Variants in SRCAP observed in about 807,000 individuals in gnomAD.
SRCAP encodes the protein chromatin remodeling protein SRCAP.
SRCAP carries 46 observed loss-of-function variants against 263.1 expected under a neutral mutation model. The ratio of observed to expected loss-of-function variants is 0.17; its 90% CI spans 0.14 to 0.22. The LOEUF (loss-of-function observed/expected upper bound fraction) is 0.22, where lower values mean the gene tolerates loss of function less well. SRCAP is among the 10% of genes least tolerant of loss of function. The pLI, the probability that SRCAP is intolerant of heterozygous loss-of-function variation, is 1.00. For missense variants in SRCAP, 3,695 were observed against 4,181.9 expected (o/e 0.88, Z 3.21); for synonymous variants, 1,813 against 1,662.1 (o/e 1.09, Z -2.21).
Position 30,712,074 on chromosome 16 carries a change from C to G in SRCAP, c.1732C>G (p.Leu578Val), listed in dbSNP as rs903401621. 14 of 1,613,992 alleles carry G rather than the reference C, an allele frequency of 8.7e-6. No individual in the cohort carries two copies. Among genetic ancestry groups the G allele is most frequent in the Non-Finnish European group, 1.2e-5 (14 of 1,180,040 alleles). ...SGPPTPGPTT[L>V]GPKKEITDIA... ...GCCTCCTACTCCAGGGCCCACTACT[C>G]TAGGTCCAAAGAAAGAAATTACTGA... Residue 578 changes from leucine to valine, a missense_variant, in exon 12 of 34, where the codon CTA (leucine) becomes GTA (valine). Around this residue, in one of 12 missense-constraint regions of SRCAP, gnomAD observed 288 missense variants for 302.4 expected, o/e 0.95. Coordinates refer to ENST00000262518, the MANE Select transcript of SRCAP (RefSeq NM_006662.3).
chr16:30,722,589 G>C lies in SRCAP; in HGVS notation c.3733G>C (p.Gly1245Arg), dbSNP rs1377686252. The change falls in exon 23 of 34, where the codon GGG (glycine) becomes CGG (arginine). Residue 1245 changes from glycine (G) to arginine (R), a missense_variant. By Grantham distance (125) the Gly-to-Arg change is moderately radical. Around this residue, in one of 12 missense-constraint regions of SRCAP, gnomAD observed 1,347 missense variants for 1,304.4 expected, o/e 1.03. Coordinates refer to ENST00000262518, the MANE Select transcript of SRCAP (RefSeq NM_006662.3). The part of the protein sequence containing the change: ...QRNVVHLVSA[G>R]GQHHLISQPA... ...GAATGTGGTGCACCTCGTGTCAGCA[G>C]GGGGGCAGCACCATCTCATCAGCCA... 1 of 1,614,050 alleles carries C rather than the reference G, an allele frequency of 6.2e-7. No homozygotes were observed. The highest frequency in any genetic ancestry group is 2.2e-5 in the East Asian group (1 of 44,876).
intron 30 of SRCAP, 24 bp downstream of exon 30, chr16:30,734,032 T>C (rs567240732): frequency 6.4e-7 from 1 of 1,570,222 alleles, no homozygotes; most frequent in South Asian, 1.2e-5. Flanking sequence ...TCTTTTAGCC[T>C]ATGCAGGAGA....
Position 30,710,049 on chromosome 16 carries a change from A to C in SRCAP, c.1055A>C (p.Gln352Pro). ...TTGGAAGGGCCTTCCAGCCCCTCTC[A>C]AACCCCCTCATCTCATGATAGTGAC... ...QLLEGPSSPS[Q>P]TPSSHDSDTR... The change falls in exon 8 of 34, where the codon CAA becomes CCA. Residue 352 changes from glutamine (Q) to proline (P), a missense_variant. Physicochemically the swap from Gln to Pro is moderately conservative, Grantham distance 76. This residue lies in a region of SRCAP where 288 missense variants were observed against 302.4 expected (regional missense o/e 0.95). Coordinates refer to ENST00000262518, the MANE Select transcript of SRCAP (RefSeq NM_006662.3). 1 of 1,614,092 alleles carries C rather than the reference A, an allele frequency of 6.2e-7. No homozygotes were observed. The highest frequency in any genetic ancestry group is 8.5e-7 in the Non-Finnish European group (1 of 1,180,004).
intron 22 of SRCAP, 31 bp from the exon 23 acceptor site, chr16:30,722,530 TTC>T (rs1215434370): frequency 1.3e-5 from 21 of 1,606,422 alleles, no homozygotes; most frequent in Middle Eastern, 1.7e-4. Flanking sequence ...TGATAGCTGC[TTC>T]TCTCTCTCTT....
intron 16 of SRCAP, 47 bp from the exon 17 acceptor site, chr16:30,716,019 C>G: frequency 6.2e-7 from 1 of 1,611,180 alleles, no homozygotes; most frequent in Non-Finnish European, 8.5e-7. Context: ...GGCTGGGGCT[C>G]GGTGCCTGAG....
In SRCAP at chr16:30,737,848, C is replaced by T; in HGVS notation, c.7808C>T (p.Thr2603Ile). Reference protein sequence around the residue: ...LPVSEKNLSLTPSAPSLTLEA... With the variant: ...LPVSEKNLSLIPSAPSLTLEA... ...GTGTCAGAGAAGAACCTTTCTCTCA[C>T]CCCTTCTGCACCCAGCCTGACCTTG... Residue 2603 changes from threonine to isoleucine, a missense_variant, in exon 34 of 34, where the codon ACC becomes ATC. By Grantham distance (89) the Thr-to-Ile change is moderately conservative. This residue lies in a region of SRCAP where 1,207 missense variants were observed against 1,142.9 expected (regional missense o/e 1.06). Coordinates refer to ENST00000262518, the MANE Select transcript of SRCAP (RefSeq NM_006662.3). The T allele has an allele frequency of 6.2e-7, 1 of 1,614,186 alleles. No homozygotes were observed. Among genetic ancestry groups the T allele is most frequent in the Non-Finnish European group, 8.5e-7 (1 of 1,180,036 alleles).
In SRCAP at chr16:30,739,534, C is replaced by T. The variant is rs1047866378; in HGVS notation, c.9494C>T (p.Pro3165Leu). The change falls in exon 34 of 34, where the codon CCT becomes CTT. Residue 3165 changes from proline to leucine, a missense_variant. Pro to Leu is a moderately conservative substitution (Grantham distance 98). This residue lies in a region of SRCAP where 1,207 missense variants were observed against 1,142.9 expected (regional missense o/e 1.06). Transcript: ENST00000262518. Reference protein sequence around the residue: ...GRLQPPSPLGPEGSVEESEAE... With the variant: ...GRLQPPSPLGLEGSVEESEAE... Reference sequence around the variant, plus strand: ...CTACAGCCCCCAAGTCCCCTGGGGCCTGAGGGTTCAGTAGAGGAGTCTGAG... The same window carrying T: ...CTACAGCCCCCAAGTCCCCTGGGGCTTGAGGGTTCAGTAGAGGAGTCTGAG... 1.2e-6 allele frequency: 2 copies of T among 1,611,532 alleles called. No homozygotes were observed. The highest frequency in any genetic ancestry group is 1.7e-6 in the Non-Finnish European group (2 of 1,178,962).
In SRCAP at chr16:30,711,955, G is replaced by A; in HGVS notation, c.1613G>A (p.Ser538Asn). The change falls in exon 12 of 34, where the codon AGC becomes AAC. Residue 538 changes from serine (S) to asparagine (N), a missense_variant. Around this residue, in one of 12 missense-constraint regions of SRCAP, gnomAD observed 288 missense variants for 302.4 expected, o/e 0.95. Coordinates refer to ENST00000262518, the MANE Select transcript of SRCAP (RefSeq NM_006662.3). Reference protein sequence around the residue: ...SEESEDAQSQSQADEEEEDDD... With the variant: ...SEESEDAQSQNQADEEEEDDD... Reference sequence around the variant, plus strand: ...GAGTCTGAGGATGCCCAATCACAGAGCCAAGCAGATGAAGAGGAGGAAGAT... The same window carrying A: ...GAGTCTGAGGATGCCCAATCACAGAACCAAGCAGATGAAGAGGAGGAAGAT... 2 of 1,613,970 alleles carry A rather than the reference G, an allele frequency of 1.2e-6. No homozygotes were observed. The highest frequency in any genetic ancestry group is 2.2e-5 in the South Asian group (2 of 91,074).
chr16:30,733,689 G>A lies in SRCAP; in HGVS notation c.6385G>A (p.Gly2129Arg). The change falls in exon 29 of 34, where the codon GGA (glycine) becomes AGA (arginine). Residue 2129 changes from glycine to arginine, a missense_variant. By Grantham distance (125) the Gly-to-Arg change is moderately radical. Around this residue, in one of 12 missense-constraint regions of SRCAP, gnomAD observed 138 missense variants for 254.9 expected, o/e 0.54. Coordinates refer to ENST00000262518, the MANE Select transcript of SRCAP (RefSeq NM_006662.3). The surrounding 1 kb of genome is among the most constrained non-coding windows in gnomAD (Gnocchi z 5.3). ...TGGGGGTGTGGGCGTGAACCTGACA[G>A]GAGCAGACACTGTTGTTTTTTATGA... ...RSGGVGVNLT[G>R]ADTVVFYDSD... is the part of the protein sequence containing the mutation. 6.2e-7 allele frequency: 1 copy of A among 1,614,174 alleles called. No individual in the cohort carries two copies. The highest frequency in any genetic ancestry group is 8.5e-7 in the Non-Finnish European group (1 of 1,180,044).
At chr16:30,719,427 G>A (rs2052987834) in intron 18 of SRCAP, among the ~76,000 whole-genome samples, 1 of 151,996 alleles carries the variant, frequency 6.6e-6, no homozygotes, top group Non-Finnish European at 1.5e-5. Context: ...ATCTTGGCCA[G>A]GCTGGTCTTG....
chr16:30,703,559 A>G (rs981003822), intron 3 of SRCAP, among the ~76,000 whole-genome samples: 2 of 151,908 alleles, frequency 1.3e-5, no homozygotes, highest in Non-Finnish European at 2.9e-5. Flanking sequence ...TTGCATGTCA[A>G]GCATCTATAA....
intron 8 of SRCAP, chr16:30,710,459 C>A: frequency 1.4e-6 from 1 of 709,100 alleles, no homozygotes; most frequent in South Asian, 1.4e-5. Context: ...TGGAAGCTGG[C>A]ATGGTACCCT....
At chr16:30,728,231 C>T (rs1482772576) in intron 25 of SRCAP, among the ~76,000 whole-genome samples, 1 of 152,210 alleles carries the variant, frequency 6.6e-6, no homozygotes, top group Non-Finnish European at 1.5e-5. Flanking sequence ...CTTAATTGTG[C>T]TAGTTACTGA....
At chr16:30,735,170 G>T in intron 31 of SRCAP, among the ~76,000 whole-genome samples, 1 of 121,672 alleles carries the variant, frequency 8.2e-6, no homozygotes, top group African/African-American at 3.6e-5. Flanking sequence ...TTTTTGAGAC[G>T]GAGTCTCGCT....
In SRCAP at chr16:30,738,454, T is replaced by C. The variant is rs753836409; in HGVS notation, c.8414T>C (p.Ile2805Thr). 8 of 1,562,454 alleles carry C rather than the reference T, an allele frequency of 5.1e-6. No individual in the cohort carries two copies. In the East Asian group the frequency reaches 1.8e-4, roughly 35 times the overall value. Reference sequence around the variant, plus strand: ...TCAGGGCCAGAATCCTCCCCTCCCATTGGTGGGCCCTGTGAAGCTGCTCCT... The same window carrying C: ...TCAGGGCCAGAATCCTCCCCTCCCACTGGTGGGCCCTGTGAAGCTGCTCCT... ...SMSGPESSPP[I>T]GGPCEAAPSS... is the part of the protein sequence containing the mutation. The change falls in exon 34 of 34, where the codon ATT becomes ACT. Residue 2805 changes from isoleucine to threonine, a missense_variant. By Grantham distance (89) the Ile-to-Thr change is moderately conservative. This residue lies in a region of SRCAP where 1,207 missense variants were observed against 1,142.9 expected (regional missense o/e 1.06). Coordinates refer to ENST00000262518, the MANE Select transcript of SRCAP (RefSeq NM_006662.3).
intron 25 of SRCAP, 22 bp from the exon 26 acceptor site, chr16:30,728,944 C>T (rs2053087874): frequency 6.3e-6 from 10 of 1,598,840 alleles, no homozygotes; most frequent in Non-Finnish European, 8.6e-6. Context: ...CTGATTACTT[C>T]CTCTTTTTCT....
chr16:30,739,755 G>C lies in SRCAP; in HGVS notation c.*22G>C. 6.9e-7 allele frequency: 1 copy of C among 1,454,864 alleles called. No homozygotes were observed. The highest frequency in any genetic ancestry group is 9.1e-7 in the Non-Finnish European group (1 of 1,102,000). The allele number at this position is 1,454,864 out of a possible 1,614,324, so 90.1% of individuals were successfully genotyped here. On this transcript the variant is annotated 3_prime_UTR_variant, in exon 34 of 34. Coordinates refer to ENST00000262518, the MANE Select transcript of SRCAP (RefSeq NM_006662.3). ...GTGAGTGGGCTGCCCCTCCACCTAG[G>C]CTTTCCACCGTGGCCACTCCCTCCA...
rs776229431 is a variant in SRCAP, at chr16:30,729,270, G to A, written c.5924+39G>A. The A allele has an allele frequency of 1.9e-5, 30 of 1,596,584 alleles. No homozygotes were observed. The Middle Eastern group carries it at 8.3e-4, about 44-fold the overall frequency. ...AGTGCTAATGGGGAGTGGGTCTTGG[G>A]GCCTCAGAGTGGATGTAGTGCTTAG... is the stretch of plus-strand genomic sequence containing the variant. On this transcript the variant is annotated intron_variant, in intron 26 of 33. Coordinates refer to ENST00000262518, the MANE Select transcript of SRCAP (RefSeq NM_006662.3).
chr16:30,726,374 A>G (rs1293632261), intron 25 of SRCAP: 1 of 152,234 alleles, frequency 6.6e-6, no homozygotes, highest in Non-Finnish European at 1.5e-5. Flanking sequence ...TCTGTTAGAT[A>G]CATACTGAGG....
Sources: gnomAD v4.1 joint callset for allele counts (sites outside exome capture counted in the v4.1 genomes callset) on GRCh38, gnomAD v4.1.1 for gene constraint, gnomAD v4.1.1 regional missense constraint, Gnocchi (gnomAD v3.1) non-coding constraint, MANE v1.5 for transcripts, NCBI Gene and HGNC (gene_info 2026-07-23, HGNC 2026-07-21) for gene names.